Variants in CDH13 observed in about 807,000 individuals in gnomAD.
CDH13 encodes cadherin 13.
CDH13 carries 24 observed loss-of-function variants against 63.8 expected under a neutral mutation model. The ratio of observed to expected loss-of-function variants is 0.38; its 90% CI spans 0.27 to 0.53. The LOEUF is 0.53. Ranked by LOEUF, CDH13 falls within the 20% of genes least tolerant of loss-of-function variation. CDH13 has a pLI of 0.85. For synonymous variants in CDH13, 503 were observed against 355.3 expected, an observed-to-expected ratio of 1.42 and a Z score of -4.67; for missense variants, 1,049 against 903.1, an observed-to-expected ratio of 1.16 and a Z score of -2.07.
intron 4 of CDH13, among the ~76,000 whole-genome samples, chr16:83,168,152 C>G (rs577374996): frequency 6.6e-6 from 1 of 151,950 alleles, no homozygotes; most frequent in East Asian, 1.9e-4. Flanking sequence ...ACACAATATA[C>G]CTAGGTAACA....
At chr16:82,954,082 T>C (rs1905690585) in intron 2 of CDH13, 1 of 152,014 alleles carries the variant, frequency 6.6e-6, no homozygotes, top group South Asian at 2.1e-4. Flanking sequence ...GAAAGTCAGC[T>C]GGGGAAGGCA....
intron 4 of CDH13, among the ~76,000 whole-genome samples, chr16:83,177,445 C>G (rs117939965): frequency 3.3e-5 from 5 of 152,338 alleles, no homozygotes; most frequent in Non-Finnish European, 7.3e-5. Flanking sequence ...TTTAACTCAG[C>G]TATGATAGAT....
At chr16:82,636,595 G>A (rs1380331296) in intron 1 of CDH13, among the ~76,000 whole-genome samples, 3 of 152,166 alleles carry the variant, frequency 2.0e-5, no homozygotes, top group African/African-American at 4.8e-5. Flanking sequence ...CTCAGCAATC[G>A]CTTTGCCAAT....
chr16:83,761,583 G>C (rs1425080044), intron 11 of CDH13, among the ~76,000 whole-genome samples: 2 of 152,204 alleles, frequency 1.3e-5, no homozygotes, highest in African/African-American at 2.4e-5. Flanking sequence ...TGCCTTATTT[G>C]AACGCTATTT....
rs534301284 is a variant in CDH13 at position 83,791,592 on chromosome 16, C to T, written c.2135-3431C>T. ...CTTTGGGAGGCCGAGGTGGGCGGAT[C>T]ACAAGGTCAGGAGTTCAAGATCAGC... On this transcript the variant is annotated intron_variant, in intron 13 of 13. Transcript: ENST00000567109. Among the ~76,000 whole-genome samples, 6 of 152,042 alleles carry T rather than the reference C, an allele frequency of 3.9e-5. No homozygotes were observed. The South Asian group carries it at 1.2e-3, about 31-fold the overall frequency.
chr16:83,733,333 T>A (rs1239483706), intron 10 of CDH13, among the ~76,000 whole-genome samples: 1 of 152,174 alleles, frequency 6.6e-6, no homozygotes, highest in Non-Finnish European at 1.5e-5. Flanking sequence ...TCTCTCCTTG[T>A]GAAACCCAGA....
At chr16:82,805,974 C>T (rs1334139610) in intron 1 of CDH13, among the ~76,000 whole-genome samples, 1 of 152,190 alleles carries the variant, frequency 6.6e-6, no homozygotes, top group Non-Finnish European at 1.5e-5. Context: ...TCATTGTCTC[C>T]ATAATCCCCT....
intron 8 of CDH13, among the ~76,000 whole-genome samples, chr16:83,624,886 T>A (rs1246978363): frequency 6.6e-6 from 1 of 152,190 alleles, no homozygotes; most frequent in Non-Finnish European, 1.5e-5. Context: ...CCAGTTCCCT[T>A]GAGCCTGGCC....
chr16:83,586,086 G>C (rs1180341469), intron 7 of CDH13, among the ~76,000 whole-genome samples: 2 of 152,222 alleles, frequency 1.3e-5, no homozygotes, highest in African/African-American at 2.4e-5. Context: ...CCAACATGTA[G>C]TAAGTGCTCT....
chr16:83,238,775 G>T (rs1904288151), intron 5 of CDH13, among the ~76,000 whole-genome samples: 1 of 151,856 alleles, frequency 6.6e-6, no homozygotes, highest in South Asian at 2.1e-4. Flanking sequence ...TTTTAGCGTT[G>T]AACACTTCTT....
At position 83,448,085 on chromosome 16, in the gene CDH13, T is replaced by C. The variant is rs531987662; in HGVS notation, c.782-38392T>C. On this transcript the variant is annotated intron_variant, in intron 6 of 13. Coordinates refer to ENST00000567109, the MANE Select transcript of CDH13 (RefSeq NM_001257.5). ...TTAGCTGAGATAGGGGTAAATATGG[T>C]CCCCATCTTTTATTTTATTATAGAG... Among the ~76,000 whole-genome samples the C allele has an allele frequency of 3.9e-5, 6 of 152,244 alleles. No homozygotes were observed. The South Asian group carries it at 1.2e-3, about 32-fold the overall frequency.
At chr16:83,143,772 TCTC>T (rs2036633456) in intron 4 of CDH13, among the ~76,000 whole-genome samples, 1 of 152,092 alleles carries the variant, frequency 6.6e-6, no homozygotes, top group Non-Finnish European at 1.5e-5. Context: ...ACTTCCCTCG[TCTC>T]CTCCTTCGTT....
intron 2 of CDH13, chr16:82,858,751 T>C: frequency 1.8e-6 from 1 of 563,878 alleles, no homozygotes; most frequent in East Asian, 2.8e-5. Flanking sequence ...ATGAGAGTTG[T>C]ACACTGTGCA....
At chr16:83,312,170 C>G (rs1453556403) in intron 5 of CDH13, among the ~76,000 whole-genome samples, 1 of 151,688 alleles carries the variant, frequency 6.6e-6, no homozygotes, top group Admixed American at 6.6e-5. Context: ...CTTGATTGCA[C>G]AATCTCCTTC....
At chr16:82,771,598 C>T (rs910826411) in intron 1 of CDH13, among the ~76,000 whole-genome samples, 1 of 152,166 alleles carries the variant, frequency 6.6e-6, no homozygotes, top group East Asian at 1.9e-4. Context: ...CAGTAACTTT[C>T]CCCAGTCCAC....
At chr16:83,606,975 G>A (rs955743829) in intron 8 of CDH13, among the ~76,000 whole-genome samples, 1 of 151,898 alleles carries the variant, frequency 6.6e-6, no homozygotes, top group Non-Finnish European at 1.5e-5. Flanking sequence ...AAGACTAAGT[G>A]ACTTCTGCTT....
At chr16:82,973,809 G>T (rs1909113266) in intron 2 of CDH13, among the ~76,000 whole-genome samples, 1 of 152,184 alleles carries the variant, frequency 6.6e-6, no homozygotes, top group African/African-American at 2.4e-5. Context: ...TGCTTATACA[G>T]TAGTCATACA....
At position 83,125,498 on chromosome 16, in the gene CDH13, C is replaced by T. The variant is rs2035770183; in HGVS notation, c.480C>T (p.Gly160=). 6.5e-7 allele frequency: 1 copy of T among 1,537,210 alleles called. No individual in the cohort carries two copies. Among genetic ancestry groups the T allele is most frequent in the East Asian group, 2.3e-5 (1 of 44,424 alleles). ...GACAGCCTTTCCCAAGAGATGTTGG[C>T]AAGGTAAGTCAGACAAACAGCAAAT... ...NQRQPFPRDV[G]KVVDSDRPER... Residue 160 remains glycine (G), a synonymous_variant, in exon 4 of 14, where the codon GGC becomes GGT. Coordinates refer to ENST00000567109, the MANE Select transcript of CDH13 (RefSeq NM_001257.5).
chr16:83,706,502 C>T (rs1364121), intron 10 of CDH13, among the ~76,000 whole-genome samples: 96,468 of 151,810 alleles, frequency 0.64, 31,197 homozygotes, highest in Middle Eastern at 0.75. Context: ...TCAGAGGTAC[C>T]TGAGTTCAGA....
Sources: allele counts gnomAD v4.1 joint callset (sites outside exome capture counted in the v4.1 genomes callset), GRCh38; gene constraint gnomAD v4.1.1; transcripts MANE v1.5; gene names NCBI Gene and HGNC (gene_info 2026-07-23, HGNC 2026-07-21).